The following OR52N1 variants were observed in gnomAD, a reference collection of about 807,000 sequenced individuals.
The protein encoded by OR52N1 is olfactory receptor family 52 subfamily N member 1.
Under a neutral mutation model 13.9 loss-of-function variants are expected in OR52N1, and 11 were observed. The ratio of observed to expected loss-of-function variants is 0.79; its 90% CI spans 0.50 to 1.31. The LOEUF is 1.31. OR52N1 is among the 40% of genes most tolerant of loss of function. OR52N1 has a pLI of 0.00. For missense variants in OR52N1, 414 were observed against 397.7 expected, an observed-to-expected ratio of 1.04 and a Z score of -0.35; for synonymous variants, 142 against 143.7, an observed-to-expected ratio of 0.99 and a Z score of 0.08.
At chr11:5,790,496 T>A (rs1042168613) in intron 1 of OR52N1, among the ~76,000 whole-genome samples, 2 of 152,092 alleles carry the variant, frequency 1.3e-5, no homozygotes, top group Non-Finnish European at 2.9e-5. Context: ...GTTTCAGTAA[T>A]TGAAATGTGA....
In OR52N1 at chr11:5,786,743, G is replaced by C. The variant is rs1854597208; in HGVS notation, c.*1111C>G. 8 of 138,568 alleles carry C rather than the reference G, an allele frequency of 5.8e-5. 1 individual carries two copies. In the Admixed American group the frequency reaches 6.0e-4, roughly 10 times the overall value. 8.6% of individuals were successfully genotyped at this position (138,568 alleles called of 1,614,324 possible). ...ATTTTTAAGAGGCCATCACTAAAAA[G>C]GGACTAGATGGAGGACATTTTCAAA... On this transcript the variant is annotated 3_prime_UTR_variant, in exon 2 of 2. Coordinates refer to ENST00000641645, the MANE Select transcript of OR52N1 (RefSeq NM_001001913.2).
In OR52N1 at chr11:5,788,183, C is replaced by A. The variant is rs866716179; in HGVS notation, c.634G>T (p.Asp212Tyr). 2 of 1,613,836 alleles carry A rather than the reference C, an allele frequency of 1.2e-6. No individual in the cohort carries two copies. The highest frequency in any genetic ancestry group is 1.7e-6 in the Non-Finnish European group (2 of 1,179,954). ...TAGGAGATTGTAATGCACAGGATAT[C>A]AAAGCCCCCAATCAGCAGGGCAACT... ...LIVALLIGGF[D>Y]ILCITISYTM... is the part of the protein sequence containing the mutation. Residue 212 changes from aspartate to tyrosine, a missense_variant, in exon 2 of 2, where the codon GAT (aspartate) becomes TAT (tyrosine). Physicochemically the swap from Asp to Tyr is radical, Grantham distance 160. Coordinates refer to ENST00000641645, the MANE Select transcript of OR52N1 (RefSeq NM_001001913.2).
intron 1 of OR52N1, among the ~76,000 whole-genome samples, chr11:5,789,193 G>A (rs1414043169): frequency 6.6e-6 from 1 of 152,126 alleles, no homozygotes; most frequent in Non-Finnish European, 1.5e-5. Flanking sequence ...CACCATCTTA[G>A]AGATCTCCGT....
chr11:5,791,064 A>G (rs561422099), intron 1 of OR52N1, 47 bp downstream of exon 1: 6 of 152,234 alleles, frequency 3.9e-5, no homozygotes, highest in African/African-American at 1.4e-4. Context: ...CTGCACATGT[A>G]AGCCTGAACT....
At chr11:5,789,912 A>C (rs116994948) in intron 1 of OR52N1, among the ~76,000 whole-genome samples, 160 of 152,222 alleles carry the variant, frequency 1.1e-3, no homozygotes, top group Non-Finnish European at 2.0e-3. Flanking sequence ...AATAAGAACA[A>C]ACTCAAAGTT....
At chr11:5,789,927 C>G (rs1854637500) in intron 1 of OR52N1, among the ~76,000 whole-genome samples, 1 of 151,988 alleles carries the variant, frequency 6.6e-6, no homozygotes, top group Non-Finnish European at 1.5e-5. Context: ...AAAGTTATGA[C>G]CACAGAATAG....
chr11:5,789,356 A>G lies in OR52N1; in HGVS notation c.-44-496T>C, dbSNP rs533408961. Among the ~76,000 whole-genome samples, 7 of 152,292 alleles carry G rather than the reference A, an allele frequency of 4.6e-5. No homozygotes were observed. The South Asian group carries it at 1.2e-3, about 27-fold the overall frequency. ...GCAGAAAACCTAAATACAGAAAAAT[A>G]TGAATCATCCCCTTGTAGCTGTAGT... is the stretch of plus-strand genomic sequence containing the variant. On this transcript the variant is annotated intron_variant, in intron 1 of 1. Transcript: ENST00000641645.
rs1044460960 is a variant in OR52N1, at chr11:5,786,832, T to C, written c.*1022A>G. On this transcript the variant is annotated 3_prime_UTR_variant, in exon 2 of 2. Coordinates refer to ENST00000641645, the MANE Select transcript of OR52N1 (RefSeq NM_001001913.2). ...TGTTTTATTATGATTTGTATAAATA[T>C]GCACATATTATTTATGCTAAAGTTA... 1 of 139,488 alleles carries C rather than the reference T, an allele frequency of 7.2e-6. No individual in the cohort carries two copies. Among genetic ancestry groups the C allele is most frequent in the Admixed American group, 7.4e-5 (1 of 13,486 alleles). The allele number at this position is 139,488 out of a possible 1,614,324, so 8.6% of individuals were successfully genotyped here.
In OR52N1 at chr11:5,788,612, A is replaced by C; in HGVS notation, c.205T>G (p.Ser69Ala). 1 of 1,614,062 alleles carries C rather than the reference A, an allele frequency of 6.2e-7. No homozygotes were observed. The highest frequency in any genetic ancestry group is 8.5e-7 in the Non-Finnish European group (1 of 1,179,974). Reference protein sequence around the residue: ...RPMYVFLALLSFTDVLMCTST... With the variant: ...RPMYVFLALLAFTDVLMCTST... ...GTGCACATGAGCACATCTGTGAAGG[A>C]AAGAAGGGCAAGGAAGACATACATA... The change falls in exon 2 of 2, where the codon TCC (serine) becomes GCC (alanine). Residue 69 changes from serine to alanine, a missense_variant. Ser to Ala is a moderately conservative substitution (Grantham distance 99). Coordinates refer to ENST00000641645, the MANE Select transcript of OR52N1 (RefSeq NM_001001913.2).
In OR52N1 at chr11:5,788,178, G is replaced by T; in HGVS notation, c.639C>A (p.Ile213=). ...TAGTGTAGGAGATTGTAATGCACAG[G>T]ATATCAAAGCCCCCAATCAGCAGGG... ...IVALLIGGFD[I]LCITISYTMI... The change falls in exon 2 of 2, where the codon ATC becomes ATA. Residue 213 remains isoleucine (I), a synonymous_variant. Coordinates refer to ENST00000641645, the MANE Select transcript of OR52N1 (RefSeq NM_001001913.2). The T allele has an allele frequency of 6.2e-7, 1 of 1,613,942 alleles. No individual in the cohort carries two copies. The highest frequency in any genetic ancestry group is 1.1e-5 in the South Asian group (1 of 91,072).
At chr11:5,789,201 C>T (rs1321447081) in intron 1 of OR52N1, among the ~76,000 whole-genome samples, 5 of 152,112 alleles carry the variant, frequency 3.3e-5, no homozygotes, top group Admixed American at 6.6e-5. Context: ...TAGAGATCTC[C>T]GTTGTATTCT....
chr11:5,788,813 A>G lies in OR52N1; in HGVS notation c.4T>C (p.Ser2Pro). The change falls in exon 2 of 2, where the codon TCA becomes CCA. Residue 2 changes from serine (S) to proline (P), a missense_variant. Coordinates refer to ENST00000641645, the MANE Select transcript of OR52N1 (RefSeq NM_001001913.2). ...GTTAGGCTGGTGCCATTTAGAAATG[A>G]CATAATGACTGTTGGAAGTTCATTG... is the stretch of plus-strand genomic sequence containing the variant. MSFLNGTSLTPA... is the reference protein window; with the variant it reads MPFLNGTSLTPA... The G allele has an allele frequency of 6.3e-7, 1 of 1,598,716 alleles. No homozygotes were observed. The highest frequency in any genetic ancestry group is 1.1e-5 in the South Asian group (1 of 90,392).
In OR52N1 at chr11:5,788,232, C is replaced by T; in HGVS notation, c.585G>A (p.Arg195=). The change falls in exon 2 of 2, where the codon AGG becomes AGA. Residue 195 remains arginine (R), a synonymous_variant. Transcript: ENST00000641645. ...SVAKISCGNV[R]VNAIYGLIVA... Reference sequence around the variant, plus strand: ...CTATCAAACCATAGATGGCGTTAACCCTGACATTACCACAAGATATCTTGG... The same window carrying T: ...CTATCAAACCATAGATGGCGTTAACTCTGACATTACCACAAGATATCTTGG... The T allele has an allele frequency of 1.2e-6, 2 of 1,614,018 alleles. No homozygotes were observed. The highest frequency in any genetic ancestry group is 1.7e-6 in the Non-Finnish European group (2 of 1,179,972).
rs757726223 is a variant in OR52N1, at chr11:5,788,741, G to A, written c.76C>T (p.His26Tyr). The A allele has an allele frequency of 6.2e-7, 1 of 1,612,816 alleles. No individual in the cohort carries two copies. The highest frequency in any genetic ancestry group is 1.1e-5 in the South Asian group (1 of 91,070). ...CACAGTGGGAAGGAGATCCACAAAT[G>A]CACATCTTCCAAACCAGGGATGCCA... ...LNGIPGLEDV[H>Y]LWISFPLCTM... The change falls in exon 2 of 2, where the codon CAT becomes TAT. Residue 26 changes from histidine (H) to tyrosine (Y), a missense_variant. Coordinates refer to ENST00000641645, the MANE Select transcript of OR52N1 (RefSeq NM_001001913.2).
rs1564964823 is a variant in OR52N1, at chr11:5,786,585, CT to C, written c.*1268del. On this transcript the variant is annotated 3_prime_UTR_variant, in exon 2 of 2. Coordinates refer to ENST00000641645, the MANE Select transcript of OR52N1 (RefSeq NM_001001913.2). ...ATGGTTTCCAGCTTCATCCATGTCCCTACAAAGGACATGAGCTCATCCTTTT... is the reference window on the plus strand; with the variant it reads ...ATGGTTTCCAGCTTCATCCATGTCCCACAAAGGACATGAGCTCATCCTTTT... The C allele has an allele frequency of 2.2e-5, 3 of 137,120 alleles. No individual in the cohort carries two copies. 8.5% of individuals were successfully genotyped at this position (137,120 alleles called of 1,614,324 possible).
Position 5,787,246 on chromosome 11 carries a change from T to C in OR52N1, c.*608A>G, listed in dbSNP as rs569052203. 5 of 140,834 alleles carry C rather than the reference T, an allele frequency of 3.6e-5. No individual in the cohort carries two copies. The highest frequency in any genetic ancestry group is 1.3e-4 in the African/African-American group (5 of 38,470). The allele number at this position is 140,834 out of a possible 1,614,324, so 8.7% of individuals were successfully genotyped here. ...TGTTTTTATCTCTTTCACCTAATAC[T>C]ATATTTGAATAGACCACAATTATTT... is the stretch of plus-strand genomic sequence containing the variant. On this transcript the variant is annotated 3_prime_UTR_variant, in exon 2 of 2. Coordinates refer to ENST00000641645, the MANE Select transcript of OR52N1 (RefSeq NM_001001913.2).
chr11:5,787,872 G>T lies in OR52N1; in HGVS notation c.945C>A (p.Asp315Glu), dbSNP rs746428650. 6.7e-7 allele frequency: 1 copy of T among 1,495,764 alleles called. No individual in the cohort carries two copies. The allele number at this position is 1,495,764 out of a possible 1,614,324, so 92.7% of individuals were successfully genotyped here. Residue 315 changes from aspartate to glutamate, a missense_variant, in exon 2 of 2, where the codon GAC (aspartate) becomes GAA (glutamate). Coordinates refer to ENST00000641645, the MANE Select transcript of OR52N1 (RefSeq NM_001001913.2). ...GAAGACTTTAAAAGTTATGAGAATTGTCCTTTCCCTTAAGAAAGAACCTAA... is the reference window on the plus strand; with the variant it reads ...GAAGACTTTAAAAGTTATGAGAATTTTCCTTTCCCTTAAGAAAGAACCTAA... ...SVIRFFLKGK[D>E]NSHNF is the part of the protein sequence containing the mutation.
chr11:5,789,792 A>G (rs910488760), intron 1 of OR52N1, among the ~76,000 whole-genome samples: 1 of 152,122 alleles, frequency 6.6e-6, no homozygotes, highest in Non-Finnish European at 1.5e-5. Flanking sequence ...AAGATGTTCA[A>G]TACGTTTTTC....
chr11:5,788,823 T>G lies in OR52N1; in HGVS notation c.-7A>C. On this transcript the variant is annotated 5_prime_UTR_variant, in exon 2 of 2. Transcript: ENST00000641645. ...TGCCATTTAGAAATGACATAATGAC[T>G]GTTGGAAGTTCATTGTATAGCAGTT... 1 of 1,593,268 alleles carries G rather than the reference T, an allele frequency of 6.3e-7. No homozygotes were observed. Among genetic ancestry groups the G allele is most frequent in the African/African-American group, 1.3e-5 (1 of 74,818 alleles).
Sources: allele counts gnomAD v4.1 joint callset (sites outside exome capture counted in the v4.1 genomes callset), GRCh38; gene constraint gnomAD v4.1.1; transcripts MANE v1.5; gene names NCBI Gene and HGNC (gene_info 2026-07-23, HGNC 2026-07-21).